The following DNAH12 variants were observed in gnomAD, a reference collection of about 807,000 sequenced individuals.
The protein encoded by DNAH12 is axonemal beta dynein heavy chain 12.
Under a neutral mutation model 371.5 loss-of-function variants are expected in DNAH12, and 285 were observed. The observed-to-expected ratio is 0.77, with a 90% CI of 0.70 to 0.85. The LOEUF (loss-of-function observed/expected upper bound fraction) is 0.85, where lower values mean the gene tolerates loss of function less well. Among genes scored for constraint, DNAH12 ranks in the 40% least tolerant of loss-of-function variants. DNAH12 has a pLI of 0.00. For missense variants in DNAH12, 3,611 were observed against 3,689.4 expected (o/e 0.98, Z 0.55); for synonymous variants, 1,200 against 1,213.0 (o/e 0.99, Z 0.22).
chr3:57,308,122 G>A (rs1283909044), intron 69 of DNAH12, among the ~76,000 whole-genome samples: 1 of 152,144 alleles, frequency 6.6e-6, no homozygotes, highest in Non-Finnish European at 1.5e-5. Context: ...GACATGCCCT[G>A]AGTCAGGAAA....
intron 49 of DNAH12, among the ~76,000 whole-genome samples, chr3:57,384,346 GC>G (rs2063457448): frequency 6.6e-6 from 1 of 151,822 alleles, no homozygotes; most frequent in African/African-American, 2.4e-5. Context: ...TATATAAAAA[GC>G]AAAAATAGGC....
intron 2 of DNAH12, among the ~76,000 whole-genome samples, chr3:57,527,377 G>A (rs1228164969): frequency 6.6e-6 from 1 of 152,168 alleles, no homozygotes. Context: ...AGAAATATCT[G>A]AGACTGGGTA....
intron 55 of DNAH12, among the ~76,000 whole-genome samples, chr3:57,371,965 A>AAAAAAAAAAAAAT (rs1366790985): frequency 9.1e-5 from 13 of 142,628 alleles, no homozygotes; most frequent in African/African-American, 3.4e-4. Context: ...AAAAAAAAAA[A>AAAAAAAAAAAAAT]TTCTTTCAAA....
chr3:57,380,277 C>T lies in DNAH12; in HGVS notation c.8082+1G>A, dbSNP rs892459184. 6.6e-6 allele frequency: 1 copy of T among 152,176 alleles called. No homozygotes were observed. The highest frequency in any genetic ancestry group is 2.4e-5 in the African/African-American group (1 of 41,452). The allele number at this position is 152,176 out of a possible 1,614,324, so 9.4% of individuals were successfully genotyped here. A position where few individuals can be genotyped will look rare whatever the true frequency, so the allele number is the denominator to read the frequency against. On this transcript the variant is annotated splice_donor_variant, in intron 51 of 73. Coordinates refer to ENST00000495027, the MANE Select transcript of DNAH12 (RefSeq NM_001366028.2). LOFTEE classifies it high-confidence loss of function. ...GTAGAAAAAAACCCAATGCAACTCA[C>T]TGGAATGTTGTCCTTGTCATATTCT...
At chr3:57,509,050 T>G in intron 6 of DNAH12, 90 bp downstream of exon 6, 1 of 1,141,206 alleles carries the variant, frequency 8.8e-7, no homozygotes, top group Non-Finnish European at 1.3e-6. Flanking sequence ...CCTTTGAGCA[T>G]CACAATTGTA....
Position 57,509,664 on chromosome 3 carries a change from C to G in DNAH12, c.470-452G>C, listed in dbSNP as rs1232394455. Among the ~76,000 whole-genome samples the G allele has an allele frequency of 2.6e-5, 4 of 151,920 alleles. No homozygotes were observed. In the East Asian group the frequency reaches 7.8e-4, roughly 29 times the overall value. ...ATCACCTGAGGTCAGGAGTTTGAGA[C>G]CAGGCTAGCCAACATGGTGAAACCC... On this transcript the variant is annotated intron_variant, in intron 5 of 73. Coordinates refer to ENST00000495027, the MANE Select transcript of DNAH12 (RefSeq NM_001366028.2).
At chr3:57,323,417 A>G (rs2061856402) in intron 63 of DNAH12, 52 bp downstream of exon 63, 6 of 1,490,086 alleles carry the variant, frequency 4.0e-6, no homozygotes, top group Admixed American at 2.6e-5. Context: ...ATCAGTATTG[A>G]GCAAGATGTT....
intron 53 of DNAH12, among the ~76,000 whole-genome samples, 196 bp from the exon 54 acceptor site, chr3:57,376,161 A>G (rs2063276584): frequency 6.6e-6 from 1 of 151,862 alleles, no homozygotes; most frequent in Non-Finnish European, 1.5e-5. Flanking sequence ...GTGAATGACA[A>G]TCTTCCTTTC....
intron 62 of DNAH12, among the ~76,000 whole-genome samples, chr3:57,330,189 T>C (rs2062060499): frequency 6.6e-6 from 1 of 151,726 alleles, no homozygotes. Flanking sequence ...GAAATACCAT[T>C]TGACCCAGCC....
At chr3:57,546,184 C>T (rs193300940), upstream of DNAH12, among the ~76,000 whole-genome samples, 4 of 152,280 alleles carry the variant, frequency 2.6e-5, no homozygotes, top group East Asian at 7.8e-4. Context: ...CCTTCCCCTT[C>T]CCAGTCCATA....
chr3:57,442,395 G>C (rs1031806489), intron 29 of DNAH12, among the ~76,000 whole-genome samples: 1 of 152,206 alleles, frequency 6.6e-6, no homozygotes, highest in East Asian at 1.9e-4. Context: ...GGGCAGGAGT[G>C]AGTGGATAAT....
intron 32 of DNAH12, 118 bp from the exon 33 acceptor site, chr3:57,429,892 T>C: frequency 2.4e-6 from 2 of 838,892 alleles, no homozygotes; most frequent in Non-Finnish European, 3.5e-6. Context: ...AGAATTAGAA[T>C]GGAAGCCAGA....
At chr3:57,522,725 C>T (rs928927631) in intron 4 of DNAH12, among the ~76,000 whole-genome samples, 3 of 152,150 alleles carry the variant, frequency 2.0e-5, no homozygotes, top group Admixed American at 6.5e-5. Flanking sequence ...TCCTCTTTCA[C>T]GTCTCCAGTT....
chr3:57,477,263 C>T (rs2066564948), intron 13 of DNAH12, among the ~76,000 whole-genome samples: 1 of 152,210 alleles, frequency 6.6e-6, no homozygotes, highest in South Asian at 2.1e-4. Context: ...GCAAACGGCA[C>T]ACCAGGAGAT....
At chr3:57,418,495 G>T (rs936469003) in intron 37 of DNAH12, among the ~76,000 whole-genome samples, 1 of 147,732 alleles carries the variant, frequency 6.8e-6, no homozygotes, top group Admixed American at 6.9e-5. Context: ...AGCCGTGATC[G>T]CACCACTGTA....
intron 13 of DNAH12, among the ~76,000 whole-genome samples, chr3:57,478,910 A>C (rs1278155891): frequency 3.9e-5 from 6 of 152,166 alleles, no homozygotes; most frequent in African/African-American, 1.4e-4. Context: ...GCCCTAAAAG[A>C]GCTCCTGAAG....
chr3:57,353,778 T>C (rs1451641373), intron 59 of DNAH12, among the ~76,000 whole-genome samples: 1 of 152,088 alleles, frequency 6.6e-6, no homozygotes, highest in Non-Finnish European at 1.5e-5. Context: ...GAAAAAATGC[T>C]TAAAATCATT....
At chr3:57,431,935 T>G (rs2153365926) in intron 32 of DNAH12, among the ~76,000 whole-genome samples, 1 of 152,282 alleles carries the variant, frequency 6.6e-6, no homozygotes, top group Middle Eastern at 3.4e-3. Context: ...CCTTCAAATT[T>G]CCACAGTCAA....
intron 43 of DNAH12, among the ~76,000 whole-genome samples, chr3:57,401,346 T>C (rs2063853451): frequency 6.7e-6 from 1 of 148,608 alleles, no homozygotes; most frequent in African/African-American, 2.5e-5. Context: ...GCTCAGGAAT[T>C]CGAGACCAGC....
Sources: allele counts gnomAD v4.1 joint callset (sites outside exome capture counted in the v4.1 genomes callset), GRCh38; gene constraint gnomAD v4.1.1; transcripts MANE v1.5; gene names NCBI Gene and HGNC (gene_info 2026-07-23, HGNC 2026-07-21).